ZFHX3: variants seen among roughly 807,000 people sequenced by gnomAD.
The protein encoded by ZFHX3 is zinc finger homeobox 3.
A neutral mutation model predicts 279.1 loss-of-function variants in ZFHX3; 42 were observed. That is an observed-to-expected ratio of 0.15 (90% CI 0.12 to 0.19). The LOEUF (loss-of-function observed/expected upper bound fraction) is 0.19. Ranked by LOEUF, ZFHX3 falls within the 10% of genes least tolerant of loss-of-function variation. The pLI, the probability that ZFHX3 is intolerant of heterozygous loss-of-function variation, is 1.00. For missense variants in ZFHX3, 4,981 were observed against 4,754.0 expected, an observed-to-expected ratio of 1.05 and a Z score of -1.40; for synonymous variants, 2,293 against 1,957.8, an observed-to-expected ratio of 1.17 and a Z score of -4.52.
At chr16:73,240,779 A>G (rs2013097719) in intron 5 of ZFHX3, among the ~76,000 whole-genome samples, 1 of 152,182 alleles carries the variant, frequency 6.6e-6, no homozygotes, top group African/African-American at 2.4e-5. Context: ...ATTTGCAAAT[A>G]CGGAATCTGT....
chr16:73,885,479 A>T (rs2030315883), intron 1 of ZFHX3, among the ~76,000 whole-genome samples: 1 of 152,160 alleles, frequency 6.6e-6, no homozygotes, highest in South Asian at 2.1e-4. Flanking sequence ...GAGCCTTTCT[A>T]GATCTCACTG....
At chr16:73,004,047 T>C (rs1303062036) in intron 1 of ZFHX3, among the ~76,000 whole-genome samples, 1 of 151,730 alleles carries the variant, frequency 6.6e-6, no homozygotes, top group Admixed American at 6.6e-5. Context: ...CTCATTTGGC[T>C]CTTCAAATGG....
intron 4 of ZFHX3, among the ~76,000 whole-genome samples, chr16:73,305,585 G>A (rs1023401534): frequency 9.2e-5 from 14 of 151,692 alleles, no homozygotes; most frequent in African/African-American, 2.4e-4. Flanking sequence ...TCACATGGCC[G>A]TGTGCATTTT....
chr16:73,247,250 A>G (rs929341474), intron 5 of ZFHX3, among the ~76,000 whole-genome samples: 15 of 150,784 alleles, frequency 9.9e-5, no homozygotes, highest in African/African-American at 3.7e-4. Flanking sequence ...CTGTATGTGG[A>G]GTACATGTGT....
chr16:73,442,098 G>A (rs892267742), intron 3 of ZFHX3, among the ~76,000 whole-genome samples: 6 of 152,110 alleles, frequency 3.9e-5, no homozygotes, highest in African/African-American at 1.4e-4. Context: ...AAGAAGGGAG[G>A]GTGGGTGTGT....
chr16:72,827,796 G>C (rs941302075), intron 5 of ZFHX3, among the ~76,000 whole-genome samples: 4 of 152,154 alleles, frequency 2.6e-5, no homozygotes, highest in African/African-American at 9.7e-5. Flanking sequence ...CTGGAGTTTA[G>C]GCTTCTGGAC....
At chr16:73,294,887 G>A (rs979658949) in intron 4 of ZFHX3, among the ~76,000 whole-genome samples, 1 of 151,346 alleles carries the variant, frequency 6.6e-6, no homozygotes, top group Non-Finnish European at 1.5e-5. Flanking sequence ...GAATTCTTAC[G>A]GTTTTCTTTC....
chr16:73,229,350 G>C (rs949435893), intron 5 of ZFHX3, among the ~76,000 whole-genome samples: 5 of 152,182 alleles, frequency 3.3e-5, no homozygotes, highest in African/African-American at 1.2e-4. Context: ...TGAATCATAA[G>C]ATTTGGTCCA....
chr16:73,708,741 G>C (rs1356964187), intron 1 of ZFHX3, among the ~76,000 whole-genome samples: 1 of 152,118 alleles, frequency 6.6e-6, no homozygotes, highest in African/African-American at 2.4e-5. Context: ...AAAAAAAAGT[G>C]AATACCCCTA....
At position 72,958,379 on chromosome 16, in the gene ZFHX3, G is replaced by C; in HGVS notation, c.1767C>G (p.Asp589Glu). The C allele has an allele frequency of 4.3e-6, 7 of 1,614,176 alleles. No individual in the cohort carries two copies. Among genetic ancestry groups the C allele is most frequent in the Non-Finnish European group, 5.9e-6 (7 of 1,180,030 alleles). Residue 589 changes from aspartate to glutamate, a missense_variant, in exon 2 of 10, where the codon GAC (aspartate) becomes GAG (glutamate). Transcript: ENST00000268489. ...ANVAEGGRRL[D>E]FADESANKDN... Reference sequence around the variant, plus strand: ...CTTTATTGGCACTTTCGTCAGCGAAGTCCAGCCTCCTGCCGCCCTCTGCCA... The same window carrying C: ...CTTTATTGGCACTTTCGTCAGCGAACTCCAGCCTCCTGCCGCCCTCTGCCA...
chr16:73,854,787 A>C (rs1210268116), intron 1 of ZFHX3, among the ~76,000 whole-genome samples: 1 of 151,692 alleles, frequency 6.6e-6, no homozygotes, highest in Non-Finnish European at 1.5e-5. Context: ...AAGGCAACCT[A>C]AGACCTTTGA....
intron 5 of ZFHX3, among the ~76,000 whole-genome samples, chr16:73,209,372 A>G (rs2011926613): frequency 6.6e-6 from 1 of 152,124 alleles, no homozygotes; most frequent in Non-Finnish European, 1.5e-5. Flanking sequence ...ATGGGTCTGG[A>G]GGGTGGGAAG....
At chr16:73,420,008 G>C (rs1301255700) in intron 3 of ZFHX3, 2 of 151,850 alleles carry the variant, frequency 1.3e-5, no homozygotes, top group Non-Finnish European at 2.9e-5. Flanking sequence ...CTGAGCTCAA[G>C]TAATCCTCCC....
intron 1 of ZFHX3, among the ~76,000 whole-genome samples, chr16:73,811,892 A>G (rs945249192): frequency 6.6e-6 from 1 of 152,174 alleles, no homozygotes; most frequent in African/African-American, 2.4e-5. Flanking sequence ...TGACCATCTC[A>G]GAACACAACT....
intron 2 of ZFHX3, among the ~76,000 whole-genome samples, chr16:73,533,697 C>G (rs932393888): frequency 6.6e-6 from 1 of 152,122 alleles, no homozygotes; most frequent in Non-Finnish European, 1.5e-5. Flanking sequence ...TAAATCTGCT[C>G]ATCCCTCAGC....
At chr16:73,314,425 C>A (rs1201522762) in intron 4 of ZFHX3, among the ~76,000 whole-genome samples, 1 of 152,118 alleles carries the variant, frequency 6.6e-6, no homozygotes, top group Non-Finnish European at 1.5e-5. Context: ...GTAGGTACAA[C>A]TATTATCCTC....
At chr16:73,044,130 T>C (rs1965211638) in intron 1 of ZFHX3, among the ~76,000 whole-genome samples, 1 of 133,264 alleles carries the variant, frequency 7.5e-6, no homozygotes, top group Non-Finnish European at 1.5e-5. Flanking sequence ...AAAACTGGGT[T>C]CCCATTTCCC....
At chr16:73,882,287 A>G (rs2030193206) in intron 1 of ZFHX3, among the ~76,000 whole-genome samples, 2 of 152,036 alleles carry the variant, frequency 1.3e-5, no homozygotes, top group South Asian at 4.2e-4. Context: ...CTTGGCTTTC[A>G]GTGTGGCTGG....
chr16:73,092,127 C>G (rs1966091463), intron 8 of ZFHX3, among the ~76,000 whole-genome samples: 1 of 152,186 alleles, frequency 6.6e-6, no homozygotes. Context: ...AAGGGAAAGT[C>G]ACTTAGTAAC....
Sources: allele counts gnomAD v4.1 joint callset (sites outside exome capture counted in the v4.1 genomes callset), GRCh38; gene constraint gnomAD v4.1.1; transcripts MANE v1.5; gene names NCBI Gene and HGNC (gene_info 2026-07-23, HGNC 2026-07-21).